Variants in EXOC4 observed in about 807,000 individuals in gnomAD.
EXOC4 encodes exocyst complex component 4.
Under a neutral mutation model 107.2 loss-of-function variants are expected in EXOC4, and 71 were observed. That is an observed-to-expected ratio of 0.66 (90% CI 0.55 to 0.81). The LOEUF (loss-of-function observed/expected upper bound fraction) is 0.81. EXOC4 is among the 30% of genes least tolerant of loss of function. EXOC4 has a pLI of 0.00. For synonymous variants in EXOC4, 456 were observed against 441.2 expected (o/e 1.03, Z -0.42); for missense variants, 1,108 against 1,189.6 (o/e 0.93, Z 1.01).
intron 9 of EXOC4, among the ~76,000 whole-genome samples, chr7:133,565,714 T>A (rs1800894342): frequency 6.6e-6 from 1 of 152,240 alleles, no homozygotes; most frequent in African/African-American, 2.4e-5. Context: ...AATTCATTGT[T>A]TATCTGAAGT....
At chr7:133,424,174 C>G (rs1311242999) in intron 7 of EXOC4, among the ~76,000 whole-genome samples, 2 of 152,178 alleles carry the variant, frequency 1.3e-5, no homozygotes, top group Admixed American at 6.5e-5. Flanking sequence ...GTGGGGTCAC[C>G]TTCCACGCTC....
At chr7:133,302,518 C>T (rs1794663006) in intron 3 of EXOC4, among the ~76,000 whole-genome samples, 1 of 152,076 alleles carries the variant, frequency 6.6e-6, no homozygotes, top group Non-Finnish European at 1.5e-5. Context: ...CTTAAAGAAA[C>T]TGTGAGATAT....
chr7:133,488,225 G>A (rs1214484971), intron 9 of EXOC4, among the ~76,000 whole-genome samples: 1 of 152,132 alleles, frequency 6.6e-6, no homozygotes, highest in Non-Finnish European at 1.5e-5. Flanking sequence ...TGCAGGTAAT[G>A]TGATATCTGG....
intron 10 of EXOC4, among the ~76,000 whole-genome samples, chr7:133,657,948 A>G (rs1377380543): frequency 1.3e-5 from 2 of 152,182 alleles, no homozygotes; most frequent in East Asian, 3.9e-4. Context: ...TCCAACCCTC[A>G]TGGTGCTCAC....
Position 133,876,113 on chromosome 7 carries a change from T to C in EXOC4, c.1735-19486T>C, listed in dbSNP as rs187451440. 3.2e-4 allele frequency among the ~76,000 whole-genome samples: 49 copies of C among 152,284 alleles called. 1 individual carries two copies. Among genetic ancestry groups the C allele is most frequent in the Non-Finnish European group, 7.4e-5 (5 of 68,022 alleles). Reference sequence around the variant, plus strand: ...TAAGCTCATCTATATTTGTGGCTTTTCATGTCTTTTAACTTTTATATGGCT... The same window carrying C: ...TAAGCTCATCTATATTTGTGGCTTTCCATGTCTTTTAACTTTTATATGGCT... On this transcript the variant is annotated intron_variant, in intron 11 of 17. Coordinates refer to ENST00000253861, the MANE Select transcript of EXOC4 (RefSeq NM_021807.4).
intron 5 of EXOC4, among the ~76,000 whole-genome samples, chr7:133,335,343 A>G (rs1795488332): frequency 6.6e-6 from 1 of 152,182 alleles, no homozygotes. Context: ...CTGTGTGCCC[A>G]TTAAACAACT....
At chr7:134,079,401 C>CT in the EXOC4 span, among the ~76,000 whole-genome samples, 1 of 60,430 alleles carries the variant, frequency 1.7e-5, no homozygotes, top group Non-Finnish European at 2.8e-5. Context: ...ACTAGGTTTA[C>CT]TTATTTTTTT....
chr7:133,986,086 A>G (rs184063459), intron 14 of EXOC4, among the ~76,000 whole-genome samples: 1 of 152,314 alleles, frequency 6.6e-6, no homozygotes, highest in Admixed American at 6.5e-5. Flanking sequence ...GGCTATACAC[A>G]TGTGTATGCA....
the EXOC4 span, among the ~76,000 whole-genome samples, chr7:134,078,009 A>G: frequency 6.6e-6 from 1 of 152,200 alleles, no homozygotes; most frequent in African/African-American, 2.4e-5. Flanking sequence ...TATTATCAAG[A>G]CTTTTCCTGG....
chr7:133,535,386 T>G (rs1292815203), intron 9 of EXOC4, among the ~76,000 whole-genome samples: 1 of 152,206 alleles, frequency 6.6e-6, no homozygotes, highest in South Asian at 2.1e-4. Flanking sequence ...AACATGATGC[T>G]AGATAATTAT....
At chr7:133,663,377 T>C (rs1793740827) in intron 10 of EXOC4, among the ~76,000 whole-genome samples, 1 of 152,114 alleles carries the variant, frequency 6.6e-6, no homozygotes, top group Non-Finnish European at 1.5e-5. Context: ...TTCCTAAGGC[T>C]TTTAATACCG....
At chr7:133,493,688 G>A (rs1437800776) in intron 9 of EXOC4, among the ~76,000 whole-genome samples, 1 of 151,826 alleles carries the variant, frequency 6.6e-6, no homozygotes, top group Non-Finnish European at 1.5e-5. Context: ...TTCTCTGACA[G>A]AAGTCTTTCT....
At chr7:134,039,650 C>A (rs1382683404) in intron 17 of EXOC4, among the ~76,000 whole-genome samples, 2 of 152,166 alleles carry the variant, frequency 1.3e-5, no homozygotes. Flanking sequence ...TTCCTTGCTG[C>A]CCCAGTACAA....
intron 17 of EXOC4, among the ~76,000 whole-genome samples, chr7:134,023,989 C>G (rs954901972): frequency 6.6e-6 from 1 of 152,166 alleles, no homozygotes; most frequent in Non-Finnish European, 1.5e-5. Flanking sequence ...TCAGAGAGAC[C>G]TGGCATGGCA....
At chr7:133,601,882 A>C (rs1801815626) in intron 9 of EXOC4, 1 of 152,408 alleles carries the variant, frequency 6.6e-6, no homozygotes, top group African/African-American at 2.4e-5. Context: ...GTGTGTTGCC[A>C]GCTTGGCACT....
intron 9 of EXOC4, among the ~76,000 whole-genome samples, chr7:133,519,968 A>T (rs1344900779): frequency 2.0e-5 from 3 of 152,214 alleles, no homozygotes; most frequent in African/African-American, 4.8e-5. Flanking sequence ...TTAATTACAG[A>T]TAGCTAAGTA....
At chr7:133,274,236 C>T (rs901361811) in intron 1 of EXOC4, among the ~76,000 whole-genome samples, 1 of 152,156 alleles carries the variant, frequency 6.6e-6, no homozygotes, top group South Asian at 2.1e-4. Context: ...TTAATATGAC[C>T]TTATTTCCAG....
At chr7:133,430,459 CT>C (rs1797831836) in intron 7 of EXOC4, among the ~76,000 whole-genome samples, 1 of 152,152 alleles carries the variant, frequency 6.6e-6, no homozygotes, top group South Asian at 2.1e-4. Context: ...TATTTCCCTG[CT>C]TCTGGTCCAT....
chr7:133,901,395 G>A (rs1182570637), intron 12 of EXOC4, among the ~76,000 whole-genome samples: 1 of 152,086 alleles, frequency 6.6e-6, no homozygotes, highest in Non-Finnish European at 1.5e-5. Context: ...GTTGACATCT[G>A]TATATTACTT....
Sources: allele counts gnomAD v4.1 joint callset (sites outside exome capture counted in the v4.1 genomes callset), GRCh38; gene constraint gnomAD v4.1.1; transcripts MANE v1.5; gene names NCBI Gene and HGNC (gene_info 2026-07-23, HGNC 2026-07-21).